USP3: variants seen among roughly 807,000 people sequenced by gnomAD.
USP3 encodes ubiquitin specific peptidase 3.
USP3 carries 20 observed loss-of-function variants against 72.3 expected under a neutral mutation model. The ratio of observed to expected loss-of-function variants is 0.28; its 90% CI spans 0.19 to 0.40. The LOEUF (loss-of-function observed/expected upper bound fraction) is 0.40. Among genes scored for constraint, USP3 ranks in the 10% least tolerant of loss-of-function variants. USP3 has a pLI of 1.00. For synonymous variants in USP3, 222 were observed against 225.3 expected (o/e 0.99, Z 0.13); for missense variants, 479 against 633.9 (o/e 0.76, Z 2.62).
chr15:63,556,847 A>G, intron 5 of USP3, 99 bp downstream of exon 5: 1 of 863,248 alleles, frequency 1.2e-6, no homozygotes. Context: ...ACAGACTTTT[A>G]TAAATGTGTG....
intron 3 of USP3, among the ~76,000 whole-genome samples, chr15:63,548,895 T>C (rs2066396199): frequency 6.6e-6 from 1 of 152,218 alleles, no homozygotes; most frequent in African/African-American, 2.4e-5. Context: ...AAAGTTAATT[T>C]ATTATCTCTT....
In USP3 at chr15:63,590,655, T is replaced by C. The variant is rs747372372; in HGVS notation, c.1398-6T>C. On this transcript the variant is annotated splice_polypyrimidine_tract_variant and splice_region_variant and intron_variant, in intron 14 of 14. Coordinates refer to ENST00000380324, the MANE Select transcript of USP3 (RefSeq NM_006537.4). ...TCTTTTTTCCTTTGGTCTTTTGCCT[T>C]TACAGGGTTGGTTCTGGACATTACA... 2.6e-6 allele frequency: 4 copies of C among 1,558,304 alleles called. No individual in the cohort carries two copies. The highest frequency in any genetic ancestry group is 3.5e-6 in the Non-Finnish European group (4 of 1,152,402).
In USP3 at chr15:63,593,707, CTTAT is replaced by C. The variant is rs1168888566; in HGVS notation, c.*2884_*2887del. Reference sequence around the variant, plus strand: ...CTTGAACAGCAGTGATGTAAATGTGCTTATTTGTGTTTTCATTTTTAACTGTGCA... The same window carrying C: ...CTTGAACAGCAGTGATGTAAATGTGCTTGTGTTTTCATTTTTAACTGTGCA... On this transcript the variant is annotated 3_prime_UTR_variant, in exon 15 of 15. Transcript: ENST00000380324. 2 of 152,210 alleles carry C rather than the reference CTTAT, an allele frequency of 1.3e-5. No homozygotes were observed. Among genetic ancestry groups the C allele is most frequent in the East Asian group, 1.9e-4 (1 of 5,200 alleles). 9.4% of individuals were successfully genotyped at this position (152,210 alleles called of 1,614,324 possible).
chr15:63,514,534 G>A (rs932128930), intron 1 of USP3, among the ~76,000 whole-genome samples: 1 of 152,004 alleles, frequency 6.6e-6, no homozygotes, highest in Non-Finnish European at 1.5e-5. Context: ...GAGTTTCCCA[G>A]TAAGTACAAG....
At chr15:63,511,270 A>AAAAAAAAAAAAAAAAAAG (rs1219796390) in intron 1 of USP3, among the ~76,000 whole-genome samples, 2 of 148,088 alleles carry the variant, frequency 1.4e-5, no homozygotes, top group African/African-American at 5.0e-5. Context: ...TTTTCTTAAA[A>AAAAAAAAAAAAAAAAAAG]AAAAAAAAAA....
intron 1 of USP3, among the ~76,000 whole-genome samples, chr15:63,518,745 A>G (rs1386498790): frequency 6.6e-6 from 1 of 151,602 alleles, no homozygotes; most frequent in East Asian, 1.9e-4. Flanking sequence ...CTTTATCCAT[A>G]GTTTTGTTTT....
chr15:63,563,909 C>G (rs946051212), intron 8 of USP3, among the ~76,000 whole-genome samples: 5 of 152,180 alleles, frequency 3.3e-5, no homozygotes, highest in Non-Finnish European at 4.4e-5. Flanking sequence ...AAAGTCTAGT[C>G]TTGAGGATCT....
At chr15:63,546,431 C>T (rs1567107573) in intron 3 of USP3, among the ~76,000 whole-genome samples, 1 of 152,084 alleles carries the variant, frequency 6.6e-6, no homozygotes, top group Non-Finnish European at 1.5e-5. Flanking sequence ...CTTTTTTGTA[C>T]CACTTATTCT....
chr15:63,542,740 A>G (rs2066262578), intron 3 of USP3, among the ~76,000 whole-genome samples: 1 of 152,136 alleles, frequency 6.6e-6, no homozygotes. Flanking sequence ...TCATATACTA[A>G]ATGATGAAAT....
At chr15:63,558,253 T>C in intron 6 of USP3, 65 bp downstream of exon 6, 1 of 1,551,984 alleles carries the variant, frequency 6.4e-7, no homozygotes, top group Non-Finnish European at 8.9e-7. Flanking sequence ...TCTGGCTCCC[T>C]ATCTCGTCTG....
intron 11 of USP3, among the ~76,000 whole-genome samples, chr15:63,586,339 T>A (rs1349277652): frequency 1.3e-5 from 2 of 152,176 alleles, no homozygotes; most frequent in African/African-American, 2.4e-5. Context: ...CATGTTGAAG[T>A]TCTCCTTTTT....
In USP3 at chr15:63,594,009, T is replaced by A. The variant is rs570415614; in HGVS notation, c.*3183T>A. ...CTGTATTCTACTCAGTGTATAGTGA[T>A]GACAGATGTACTAGAATTAAACCAG... is the stretch of plus-strand genomic sequence containing the variant. On this transcript the variant is annotated 3_prime_UTR_variant, in exon 15 of 15. Coordinates refer to ENST00000380324, the MANE Select transcript of USP3 (RefSeq NM_006537.4). 3.3e-5 allele frequency: 5 copies of A among 152,388 alleles called. No homozygotes were observed. In the South Asian group the frequency reaches 1.0e-3, roughly 32 times the overall value. 9.4% of individuals were successfully genotyped at this position (152,388 alleles called of 1,614,324 possible).
intron 8 of USP3, among the ~76,000 whole-genome samples, chr15:63,564,887 G>A (rs1398341249): frequency 6.6e-6 from 1 of 152,178 alleles, no homozygotes; most frequent in African/African-American, 2.4e-5. Context: ...ATTATATCAT[G>A]GATAAAGCTT....
intron 1 of USP3, among the ~76,000 whole-genome samples, chr15:63,505,252 C>T (rs2065695595): frequency 6.6e-6 from 1 of 152,150 alleles, no homozygotes; most frequent in Non-Finnish European, 1.5e-5. Context: ...CGCCGCGCTT[C>T]TCCGCAGACA....
In USP3 at chr15:63,592,785, T is replaced by C. The variant is rs1279980317; in HGVS notation, c.*1959T>C. 6.6e-6 allele frequency: 1 copy of C among 151,238 alleles called. No individual in the cohort carries two copies. The highest frequency in any genetic ancestry group is 2.4e-5 in the African/African-American group (1 of 41,102). The allele number at this position is 151,238 out of a possible 1,614,324, so 9.4% of individuals were successfully genotyped here. A position where few individuals can be genotyped will look rare whatever the true frequency, so the allele number is the denominator to read the frequency against. On this transcript the variant is annotated 3_prime_UTR_variant, in exon 15 of 15. Coordinates refer to ENST00000380324, the MANE Select transcript of USP3 (RefSeq NM_006537.4). ...TTTTTTTTTTTTTAAGTTTATGATA[T>C]AAAAACAGTCTGGTGGCTTTCCCTC... is the stretch of plus-strand genomic sequence containing the variant.
rs1436865348 is a variant in USP3 at position 63,570,403 on chromosome 15, G to A, written c.762-30G>A. On this transcript the variant is annotated intron_variant, in intron 8 of 14. Transcript: ENST00000380324. This position sits in a 1 kb window ranked among gnomAD's most constrained non-coding sequence, Gnocchi z 4.4. ...CTGGGCACAAAGAGCCCTCCACCCG[G>A]CCTTATAAGTGACTGTTTGTTTGCT... 1.2e-6 allele frequency: 2 copies of A among 1,612,878 alleles called. No individual in the cohort carries two copies. The highest frequency in any genetic ancestry group is 2.7e-5 in the African/African-American group (2 of 74,848).
At chr15:63,521,269 C>T (rs754213503) in intron 1 of USP3, among the ~76,000 whole-genome samples, 19 of 151,978 alleles carry the variant, frequency 1.3e-4, no homozygotes, top group Non-Finnish European at 2.5e-4. Context: ...TGAATTCAAC[C>T]CATCTCCTAT....
chr15:63,548,450 C>T (rs557483253), intron 3 of USP3, among the ~76,000 whole-genome samples: 4 of 151,992 alleles, frequency 2.6e-5, no homozygotes, highest in East Asian at 1.9e-4. Flanking sequence ...CTCAGCTTCC[C>T]GAGTAGCTGG....
At chr15:63,520,993 C>G (rs1384057391) in intron 1 of USP3, among the ~76,000 whole-genome samples, 1 of 152,026 alleles carries the variant, frequency 6.6e-6, no homozygotes, top group Admixed American at 6.6e-5. Flanking sequence ...TACCTAATGC[C>G]GGCCGCTCAC....
Sources: allele counts gnomAD v4.1 joint callset (sites outside exome capture counted in the v4.1 genomes callset), GRCh38; gene constraint gnomAD v4.1.1; non-coding constraint Gnocchi (gnomAD v3.1); transcripts MANE v1.5; gene names NCBI Gene and HGNC (gene_info 2026-07-23, HGNC 2026-07-21).